CAST: variants seen among roughly 807,000 people sequenced by gnomAD.
CAST encodes calpastatin, also known as MIR583 host.
In CAST, 76 loss-of-function variants were observed where a neutral mutation model predicts 119.6. The ratio of observed to expected loss-of-function variants is 0.64; its 90% confidence interval spans 0.53 to 0.77. The LOEUF is 0.77. Among genes scored for constraint, CAST ranks in the 30% least tolerant of loss-of-function variants. The probability of loss-of-function intolerance (pLI) is 0.00; values close to 1 mark genes in which losing one functional copy is unlikely to be tolerated. For synonymous variants in CAST, 319 were observed against 331.6 expected (o/e 0.96, Z 0.41); for missense variants, 953 against 946.5 (o/e 1.01, Z -0.09).
At chr5:96,425,007 G>GA in the CAST span, among the ~76,000 whole-genome samples, 25 of 66,944 alleles carry the variant, frequency 3.7e-4, no homozygotes, top group Admixed American at 3.1e-3. Context: ...GAGAAAGAAA[G>GA]AAAAGAAAGA....
intron 1 of CAST, among the ~76,000 whole-genome samples, chr5:96,534,949 G>A (rs1405300727): frequency 8.2e-6 from 1 of 121,670 alleles, no homozygotes; most frequent in African/African-American, 2.9e-5. Flanking sequence ...AAGAGAAAGG[G>A]AAAGAAAGAA....
At chr5:96,340,334 G>A in the CAST span, among the ~76,000 whole-genome samples, 28 of 152,108 alleles carry the variant, frequency 1.8e-4, no homozygotes, top group East Asian at 3.9e-3. Flanking sequence ...AAAGCAGCTC[G>A]CCCCTTCTGC....
At chr5:96,677,549 T>C (rs2150252683) in intron 2 of CAST, among the ~76,000 whole-genome samples, 1 of 152,374 alleles carries the variant, frequency 6.6e-6, no homozygotes, top group Non-Finnish European at 1.5e-5. Context: ...AAGGCTGAAC[T>C]TCTGGTTTAA....
At chr5:96,586,372 C>T (rs1184951905) in intron 1 of CAST, among the ~76,000 whole-genome samples, 1 of 152,178 alleles carries the variant, frequency 6.6e-6, no homozygotes, top group Non-Finnish European at 1.5e-5. Flanking sequence ...TGTATCATAT[C>T]ATAATTTAAC....
intron 7 of CAST, 127 bp downstream of exon 7, chr5:96,729,336 T>C (rs1759980138): frequency 1.6e-6 from 1 of 640,280 alleles, no homozygotes; most frequent in Non-Finnish European, 2.8e-6. Flanking sequence ...TCAGCTAAAA[T>C]GGTGCCATCC....
the CAST span, among the ~76,000 whole-genome samples, chr5:96,134,984 A>G: frequency 6.6e-6 from 1 of 152,190 alleles, no homozygotes; most frequent in Non-Finnish European, 1.5e-5. Context: ...AGTGAGAAGG[A>G]GAAAGACACT....
At chr5:96,737,487 A>G (rs144334960) in intron 10 of CAST, among the ~76,000 whole-genome samples, 1 of 152,348 alleles carries the variant, frequency 6.6e-6, no homozygotes, top group African/African-American at 2.4e-5. Context: ...TTAGAGCAAC[A>G]TGGTTATAAT....
intron 1 of CAST, chr5:96,663,104 C>T (rs772002692): frequency 2.8e-6 from 2 of 702,478 alleles, no homozygotes; most frequent in Non-Finnish European, 5.2e-6. Context: ...CCGGCTCCCC[C>T]GCCGTGCGGA....
chr5:96,464,568 A>G, the CAST span, among the ~76,000 whole-genome samples: 2 of 152,086 alleles, frequency 1.3e-5, no homozygotes, highest in East Asian at 3.8e-4. Flanking sequence ...TAAATTGCAT[A>G]TTACATGGCT....
At chr5:95,987,592 G>C in the CAST span, among the ~76,000 whole-genome samples, 1 of 152,012 alleles carries the variant, frequency 6.6e-6, no homozygotes, top group Admixed American at 6.6e-5. Context: ...GCCTTGAGAG[G>C]GACAGATGTA....
chr5:96,492,736 G>A, the CAST span, among the ~76,000 whole-genome samples: 2 of 152,132 alleles, frequency 1.3e-5, no homozygotes, highest in African/African-American at 2.4e-5. Context: ...AACTCCAATG[G>A]AGAACACACA....
the CAST span, among the ~76,000 whole-genome samples, chr5:96,157,330 G>A: frequency 6.6e-6 from 1 of 152,190 alleles, no homozygotes; most frequent in South Asian, 2.1e-4. Flanking sequence ...AGATCCTCCA[G>A]CTTTATAATT....
the CAST span, among the ~76,000 whole-genome samples, chr5:96,076,497 C>T: frequency 6.6e-6 from 1 of 152,138 alleles, no homozygotes; most frequent in Non-Finnish European, 1.5e-5. Context: ...CCAAATCCTT[C>T]TGCGTGTAAA....
chr5:96,510,384 C>T, the CAST span, among the ~76,000 whole-genome samples: 1 of 152,156 alleles, frequency 6.6e-6, no homozygotes, highest in Non-Finnish European at 1.5e-5. Flanking sequence ...AAGTAACCTT[C>T]CAGTTTGATG....
the CAST span, among the ~76,000 whole-genome samples, chr5:96,412,750 A>ATGTTT: frequency 2.2e-4 from 14 of 63,402 alleles, no homozygotes; most frequent in African/African-American, 8.7e-4. Flanking sequence ...GGCAGCTGTG[A>ATGTTT]TGTTTTTTTT....
chr5:96,405,740 C>CT, the CAST span, among the ~76,000 whole-genome samples: 1 of 152,096 alleles, frequency 6.6e-6, no homozygotes, highest in African/African-American at 2.4e-5. Flanking sequence ...AAAAAGAAGC[C>CT]TTGAGGTTTT....
intron 4 of CAST, among the ~76,000 whole-genome samples, chr5:96,725,046 C>A (rs1759008215): frequency 6.6e-6 from 1 of 152,124 alleles, no homozygotes; most frequent in Admixed American, 6.5e-5. Flanking sequence ...TCAGCAAACT[C>A]TTCACCCTTC....
At chr5:96,686,351 AAG>A (rs1198636312) in intron 2 of CAST, among the ~76,000 whole-genome samples, 2 of 151,934 alleles carry the variant, frequency 1.3e-5, no homozygotes, top group Non-Finnish European at 2.9e-5. Context: ...GTAGAGAGAG[AAG>A]AGAGAGAAAC....
intron 1 of CAST, among the ~76,000 whole-genome samples, chr5:96,542,032 C>T (rs950855932): frequency 1.3e-5 from 2 of 152,224 alleles, no homozygotes; most frequent in Admixed American, 6.5e-5. Flanking sequence ...TTTTGGAGGC[C>T]GGACGCGGTG....
Sources: allele counts gnomAD v4.1 joint callset (sites outside exome capture counted in the v4.1 genomes callset), GRCh38; gene constraint gnomAD v4.1.1; transcripts MANE v1.5; gene names NCBI Gene and HGNC (gene_info 2026-07-23, HGNC 2026-07-21).